SIM2: variants seen among roughly 807,000 people sequenced by gnomAD.
SIM2 encodes the protein single-minded homolog 2.
In SIM2, 28 loss-of-function variants were observed where a neutral mutation model predicts 64.8. That is an observed-to-expected ratio of 0.43 (90% confidence interval 0.32 to 0.59). The LOEUF is 0.59. Among genes scored for constraint, SIM2 ranks in the 20% least tolerant of loss-of-function variants. SIM2 has a pLI of 0.07. For synonymous variants in SIM2, 408 were observed against 391.1 expected (o/e 1.04, Z -0.51); for missense variants, 847 against 871.4 (o/e 0.97, Z 0.35).
chr21:36,743,469 T>C lies in SIM2; in HGVS notation c.1081T>C (p.Ser361Pro), dbSNP rs745663760. Reference sequence around the variant, plus strand: ...CCAGGACTCCTGGAGGACCGCCTTGTCTACCTCACAAGAAACTAGGAAATT... The same window carrying C: ...CCAGGACTCCTGGAGGACCGCCTTGCCTACCTCACAAGAAACTAGGAAATT... ...KSQDSWRTAL[S>P]TSQETRKLVK... Residue 361 changes from serine (S) to proline (P), a missense_variant, in exon 9 of 11, where the codon TCT becomes CCT. This residue lies in a region of SIM2 where 447 missense variants were observed against 414.6 expected (regional missense o/e 1.08). Coordinates refer to ENST00000290399, the MANE Select transcript of SIM2 (RefSeq NM_005069.6). The C allele has an allele frequency of 1.2e-6, 2 of 1,614,146 alleles. No homozygotes were observed. Among genetic ancestry groups the C allele is most frequent in the East Asian group, 2.2e-5 (1 of 44,872 alleles).
rs558878247 is a variant in SIM2 at position 36,721,542 on chromosome 21, C to T, written c.458-1503C>T. On this transcript the variant is annotated intron_variant, in intron 4 of 10. Transcript: ENST00000290399. Reference sequence around the variant, plus strand: ...GCAACCTCCACCACCTGGGTTCAAGCGATTCTCCTGCCTCAGCCCTCCCAA... The same window carrying T: ...GCAACCTCCACCACCTGGGTTCAAGTGATTCTCCTGCCTCAGCCCTCCCAA... Among the ~76,000 whole-genome samples, 6 of 152,152 alleles carry T rather than the reference C, an allele frequency of 3.9e-5. No individual in the cohort carries two copies. In the East Asian group the frequency reaches 7.7e-4, roughly 20 times the overall value.
chr21:36,732,334 T>C (rs1016549248), intron 7 of SIM2, among the ~76,000 whole-genome samples: 4 of 152,340 alleles, frequency 2.6e-5, no homozygotes, highest in Non-Finnish European at 5.9e-5. Flanking sequence ...TCTTCTGCAG[T>C]GTGGCCCAGA....
chr21:36,704,463 C>G (rs1043529709), intron 1 of SIM2, among the ~76,000 whole-genome samples: 2 of 152,226 alleles, frequency 1.3e-5, no homozygotes, highest in Non-Finnish European at 2.9e-5. Flanking sequence ...AGGGAAAGCC[C>G]GCAGGCGCAG....
Position 36,726,119 on chromosome 21 carries a change from G to A in SIM2, c.544G>A (p.Val182Ile), listed in dbSNP as rs777886477. 1.2e-6 allele frequency: 2 copies of A among 1,613,070 alleles called. No individual in the cohort carries two copies. Among genetic ancestry groups the A allele is most frequent in the South Asian group, 1.1e-5 (1 of 91,068 alleles). ...NAGLTCSGYKVIHCSGYLKIR... is the reference protein window; with the variant it reads ...NAGLTCSGYKIIHCSGYLKIR... The stretch of plus-strand genomic sequence containing the variant: ...CTGACCCTGCCCTCTCCACTCCCAG[G>A]TCATCCACTGCAGTGGCTACTTGAA... The change falls in exon 6 of 11, where the codon GTC becomes ATC. Residue 182 changes from valine (V) to isoleucine (I), a missense_variant and splice_region_variant. Coordinates refer to ENST00000290399, the MANE Select transcript of SIM2 (RefSeq NM_005069.6). The surrounding 1 kb of genome is among the most constrained non-coding windows in gnomAD (Gnocchi z 4.5).
intron 1 of SIM2, among the ~76,000 whole-genome samples, chr21:36,700,976 C>G (rs565773785): frequency 6.6e-6 from 1 of 152,224 alleles, no homozygotes; most frequent in Admixed American, 6.5e-5. Context: ...AGTGGCTGCC[C>G]GGCCAGGCAC....
chr21:36,744,420 TAAAGAAAGAAAGAAAAAC>T (rs902044827), intron 9 of SIM2, among the ~76,000 whole-genome samples: 2 of 133,826 alleles, frequency 1.5e-5, no homozygotes, highest in African/African-American at 2.8e-5. Context: ...AAAAAAGAAA[TAAAGAAAGAAAGAAAAAC>T]AAAGAAAGAA....
Position 36,748,000 on chromosome 21 carries a change from C to T in SIM2, c.1912C>T (p.Leu638Phe). 1 of 1,112,972 alleles carries T rather than the reference C, an allele frequency of 9.0e-7. No homozygotes were observed. The highest frequency in any genetic ancestry group is 3.9e-4 in the Middle Eastern group (1 of 2,554). The allele number at this position is 1,112,972 out of a possible 1,614,324, so 68.9% of individuals were successfully genotyped here. A position where few individuals can be genotyped will look rare whatever the true frequency, so the allele number is the denominator to read the frequency against. ...CGAGGCGGCGACCGGCGCGCTGCGG[C>T]TCCGGCACCCGAGCCCCGCCGCCAC... Reference protein sequence around the residue: ...GPEAATGALRLRHPSPAATSP... With the variant: ...GPEAATGALRFRHPSPAATSP... Residue 638 changes from leucine to phenylalanine, a missense_variant, in exon 11 of 11, where the codon CTC becomes TTC. Around this residue, in one of 3 missense-constraint regions of SIM2, gnomAD observed 447 missense variants for 414.6 expected, o/e 1.08. Coordinates refer to ENST00000290399, the MANE Select transcript of SIM2 (RefSeq NM_005069.6). This position sits in a 1 kb window ranked among gnomAD's most constrained non-coding sequence, Gnocchi z 4.5.
chr21:36,736,795 T>TTC lies in SIM2; in HGVS notation c.851-4921_851-4920insCT, dbSNP rs375774822. Among the ~76,000 whole-genome samples, 23 of 142,520 alleles carry TTC rather than the reference T, an allele frequency of 1.6e-4. 1 individual carries two copies. Among genetic ancestry groups the TTC allele is most frequent in the Admixed American group, 1.5e-3 (22 of 14,676 alleles). The allele number at this position is 142,520 out of a possible 152,430, so 93.5% of individuals were successfully genotyped here. The stretch of plus-strand genomic sequence containing the variant: ...TTCTTTCTTTCTTTTCCTTCTTTCT[T>TTC]TTTCTTTCTGTCTTTCCTCCCTCCC... On this transcript the variant is annotated intron_variant, in intron 7 of 10. Coordinates refer to ENST00000290399, the MANE Select transcript of SIM2 (RefSeq NM_005069.6).
chr21:36,740,041 AAGAAAGAAAGAAAGAAAG>A (rs1023262900), intron 7 of SIM2, among the ~76,000 whole-genome samples: 5 of 147,006 alleles, frequency 3.4e-5, no homozygotes, highest in African/African-American at 5.0e-5. Context: ...GAAAGAAAGA[AAGAAAGAAAGAAAGAAAG>A]AGAAAATGCC....
At chr21:36,744,079 T>A (rs1484883632) in intron 9 of SIM2, among the ~76,000 whole-genome samples, 2 of 151,936 alleles carry the variant, frequency 1.3e-5, no homozygotes, top group Non-Finnish European at 2.9e-5. Context: ...TGATACTCCA[T>A]CTCTATTAAA....
chr21:36,745,053 T>G lies in SIM2; in HGVS notation c.1493T>G (p.Val498Gly). ...CAGTGGCATTATGCCAACCCCCTAG[T>G]GCCTAGCAGCTCGTCTCCAGCTAAA... is the stretch of plus-strand genomic sequence containing the variant. Reference protein sequence around the residue: ...ECQWHYANPLVPSSSSPAKNP... With the variant: ...ECQWHYANPLGPSSSSPAKNP... Residue 498 changes from valine (V) to glycine (G), a missense_variant, in exon 10 of 11, where the codon GTG becomes GGG. Coordinates refer to ENST00000290399, the MANE Select transcript of SIM2 (RefSeq NM_005069.6). This position sits in a 1 kb window ranked among gnomAD's most constrained non-coding sequence, Gnocchi z 4.8. The G allele has an allele frequency of 1.9e-6, 3 of 1,613,794 alleles. No homozygotes were observed. Among genetic ancestry groups the G allele is most frequent in the Non-Finnish European group, 2.5e-6 (3 of 1,179,702 alleles).
At chr21:36,735,864 G>A (rs1440391384) in intron 7 of SIM2, among the ~76,000 whole-genome samples, 1 of 152,196 alleles carries the variant, frequency 6.6e-6, no homozygotes, top group Non-Finnish European at 1.5e-5. Flanking sequence ...ATTTTGAAAT[G>A]GGACTTGTTA....
chr21:36,742,318 C>CTAA lies in SIM2; in HGVS notation c.998+455_998+456insAAT, dbSNP rs765738806. On this transcript the variant is annotated intron_variant, in intron 8 of 10. Transcript: ENST00000290399. ...AAATATCCCATTTTTTACCTGTCTTCTTATAGAGCCTGTTACAAATTAATC... is the reference window on the plus strand; with the variant it reads ...AAATATCCCATTTTTTACCTGTCTTCTAATTATAGAGCCTGTTACAAATTAATC... Among the ~76,000 whole-genome samples, 13 of 151,856 alleles carry CTAA rather than the reference C, an allele frequency of 8.6e-5. 2 individuals carry two copies. The highest frequency in any genetic ancestry group is 5.2e-4 in the Admixed American group (8 of 15,280).
intron 1 of SIM2, among the ~76,000 whole-genome samples, chr21:36,705,103 G>C (rs1156917636): frequency 6.6e-6 from 1 of 152,192 alleles, no homozygotes; most frequent in Non-Finnish European, 1.5e-5. Context: ...CCGGCGACTG[G>C]TGTTCCCAAG....
chr21:36,745,107 C>T lies in SIM2; in HGVS notation c.1547C>T (p.Ala516Val), dbSNP rs2089213450. The change falls in exon 10 of 11, where the codon GCT (alanine) becomes GTT (valine). Residue 516 changes from alanine (A) to valine (V), a missense_variant. Around this residue, in one of 3 missense-constraint regions of SIM2, gnomAD observed 447 missense variants for 414.6 expected, o/e 1.08. Transcript: ENST00000290399. This position sits in a 1 kb window ranked among gnomAD's most constrained non-coding sequence, Gnocchi z 4.8. ...KNPPEPPANT[A>V]RHSLVPSYEA... ...CCTCCAGAGCCACCGGCGAACACTGCTAGGCACAGCCTGGTGCCAAGCTAC... is the reference window on the plus strand; with the variant it reads ...CCTCCAGAGCCACCGGCGAACACTGTTAGGCACAGCCTGGTGCCAAGCTAC... 3.7e-6 allele frequency: 6 copies of T among 1,611,944 alleles called. No homozygotes were observed. Among genetic ancestry groups the T allele is most frequent in the East Asian group, 2.2e-5 (1 of 44,844 alleles).
At chr21:36,731,905 CAG>C (rs1000876265) in intron 7 of SIM2, among the ~76,000 whole-genome samples, 1 of 152,090 alleles carries the variant, frequency 6.6e-6, no homozygotes, top group African/African-American at 2.4e-5. Context: ...CTTTTTGAGA[CAG>C]AGTCTTGTTC....
At chr21:36,713,904 T>A (rs529868366) in intron 3 of SIM2, among the ~76,000 whole-genome samples, 10 of 152,268 alleles carry the variant, frequency 6.6e-5, no homozygotes, top group Non-Finnish European at 1.5e-4. Context: ...TCCTCTTCTC[T>A]GCTTTTATCA....
In SIM2 at chr21:36,726,244, C is replaced by G; in HGVS notation, c.669C>G (p.Thr223=). 6.2e-7 allele frequency: 1 copy of G among 1,613,728 alleles called. No individual in the cohort carries two copies. The highest frequency in any genetic ancestry group is 1.3e-5 in the African/African-American group (1 of 75,052). The change falls in exon 6 of 11, where the codon ACC becomes ACG. Residue 223 remains threonine (T), a synonymous_variant. Transcript: ENST00000290399. The surrounding 1 kb of genome is among the most constrained non-coding windows in gnomAD (Gnocchi z 4.5). ...VGQSLPPSAI[T]EIKLYSNMFM... is the part of the protein sequence containing the mutation. ...AGTCGCTGCCACCCAGTGCCATCAC[C>G]GAGATCAAGCTGTACAGTAACATGT... is the stretch of plus-strand genomic sequence containing the variant.
At chr21:36,707,499 C>T (rs2088601662) in intron 1 of SIM2, among the ~76,000 whole-genome samples, 2 of 152,138 alleles carry the variant, frequency 1.3e-5, no homozygotes, top group Admixed American at 6.5e-5. Context: ...TGGAAATTAG[C>T]CACCTCCTCA....
Sources: gnomAD v4.1 joint callset for allele counts (sites outside exome capture counted in the v4.1 genomes callset) on GRCh38, gnomAD v4.1.1 for gene constraint, gnomAD v4.1.1 regional missense constraint, Gnocchi (gnomAD v3.1) non-coding constraint, MANE v1.5 for transcripts, NCBI Gene and HGNC (gene_info 2026-07-23, HGNC 2026-07-21) for gene names.